Variants in FUT8 observed in about 807,000 individuals in gnomAD.
FUT8 encodes alpha-(1,6)-fucosyltransferase.
In FUT8, 29 loss-of-function variants were observed where a neutral mutation model predicts 71.3. The ratio of observed to expected loss-of-function variants is 0.41; its 90% confidence interval spans 0.30 to 0.55. The LOEUF is 0.55. Among genes scored for constraint, FUT8 ranks in the 20% least tolerant of loss-of-function variants. The pLI is 0.34. For synonymous variants in FUT8, 254 were observed against 239.3 expected, an observed-to-expected ratio of 1.06 and a Z score of -0.57; for missense variants, 544 against 702.1, an observed-to-expected ratio of 0.77 and a Z score of 2.55.
Position 65,535,116 on chromosome 14 carries a change from T to A in FUT8, c.-227-26221T>A, listed in dbSNP as rs150127216. Among the ~76,000 whole-genome samples, 616 of 152,038 alleles carry A rather than the reference T, an allele frequency of 4.1e-3. 7 individuals carry two copies. The highest frequency in any genetic ancestry group is 7.0e-3 in the Admixed American group (107 of 15,250). On this transcript the variant is annotated intron_variant, in intron 2 of 10. Coordinates refer to ENST00000673929, the MANE Select transcript of FUT8 (RefSeq NM_001371533.1). The stretch of plus-strand genomic sequence containing the variant: ...TTTATTTTTTATTTTATTTTATTTT[T>A]TTTGAGACAGTCTCGCTCTGTTGCC...
chr14:65,407,180 T>C (rs1316324027), upstream of FUT8, among the ~76,000 whole-genome samples: 1 of 152,212 alleles, frequency 6.6e-6, no homozygotes, highest in African/African-American at 2.4e-5. Flanking sequence ...ACAAAAAAGC[T>C]AGTAAGTCTG....
rs10131616 is a variant in FUT8, at chr14:65,690,570, T to C, written c.835+21090T>C. Among the ~76,000 whole-genome samples the C allele has an allele frequency of 9.8e-3, 1,487 of 152,266 alleles. 24 individuals are homozygous for C. Among genetic ancestry groups the C allele is most frequent in the African/African-American group, 0.034 (1,428 of 41,538 alleles). On this transcript the variant is annotated intron_variant, in intron 7 of 10. Transcript: ENST00000673929. ...TTGGTTTCTTTCTTCAGTTTTATAATTTTTGTCATATAGAGCTCATAATGT... is the reference window on the plus strand; with the variant it reads ...TTGGTTTCTTTCTTCAGTTTTATAACTTTTGTCATATAGAGCTCATAATGT...
intron 3 of FUT8, among the ~76,000 whole-genome samples, chr14:65,564,700 C>T (rs926468855): frequency 6.6e-6 from 1 of 151,984 alleles, no homozygotes; most frequent in African/African-American, 2.4e-5. Context: ...CCTCCTGTCC[C>T]TGGCACTTAA....
At chr14:65,564,522 A>G (rs1442140434) in intron 3 of FUT8, among the ~76,000 whole-genome samples, 2 of 152,008 alleles carry the variant, frequency 1.3e-5, no homozygotes, top group African/African-American at 4.8e-5. Flanking sequence ...TATTTGTGTA[A>G]ATCTGATCTA....
intron 3 of FUT8, among the ~76,000 whole-genome samples, chr14:65,588,936 A>G (rs1181239381): frequency 2.0e-5 from 3 of 152,212 alleles, no homozygotes; most frequent in African/African-American, 7.2e-5. Flanking sequence ...TTGGAACAGT[A>G]TCCCCACAAA....
intron 2 of FUT8, among the ~76,000 whole-genome samples, chr14:65,560,181 A>G (rs1381315852): frequency 6.6e-6 from 1 of 151,760 alleles, no homozygotes; most frequent in South Asian, 2.1e-4. Flanking sequence ...TTTTCTGCTC[A>G]TCTTTTTACC....
chr14:65,495,306 C>T (rs1229744894), intron 2 of FUT8, among the ~76,000 whole-genome samples: 1 of 151,954 alleles, frequency 6.6e-6, no homozygotes, highest in African/African-American at 2.4e-5. Context: ...AATTGAGATA[C>T]CTGTTTTTAC....
At chr14:65,595,007 C>T (rs1016906396) in intron 3 of FUT8, among the ~76,000 whole-genome samples, 2 of 152,098 alleles carry the variant, frequency 1.3e-5, no homozygotes, top group Non-Finnish European at 2.9e-5. Flanking sequence ...CACTTTGGGC[C>T]ACCGATTTCA....
chr14:65,368,722 C>T, the FUT8 span, among the ~76,000 whole-genome samples: 3 of 151,056 alleles, frequency 2.0e-5, no homozygotes, highest in African/African-American at 4.8e-5. Flanking sequence ...GGGGTTTCAC[C>T]GTGTTAGCCA....
At chr14:65,690,862 A>G (rs902974857) in intron 7 of FUT8, among the ~76,000 whole-genome samples, 1 of 151,860 alleles carries the variant, frequency 6.6e-6, no homozygotes, top group African/African-American at 2.4e-5. Flanking sequence ...AGTAGCTGGG[A>G]TTACAGGCGT....
chr14:65,382,767 GC>G, the FUT8 span, among the ~76,000 whole-genome samples: 1 of 152,140 alleles, frequency 6.6e-6, no homozygotes, highest in Non-Finnish European at 1.5e-5. Flanking sequence ...TAGAATAGCT[GC>G]TTTTGTCCTT....
chr14:65,619,801 C>G (rs1889503764), intron 5 of FUT8, among the ~76,000 whole-genome samples: 2 of 152,132 alleles, frequency 1.3e-5, no homozygotes, highest in South Asian at 4.1e-4. Flanking sequence ...CCCAGTAATA[C>G]AGTTAAATAT....
intron 2 of FUT8, among the ~76,000 whole-genome samples, chr14:65,506,341 A>G (rs1436166910): frequency 6.6e-6 from 1 of 152,200 alleles, no homozygotes; most frequent in Non-Finnish European, 1.5e-5. Flanking sequence ...TTCTTGCTAT[A>G]AAAAAAGAAG....
chr14:65,673,778 G>A (rs147071323), intron 7 of FUT8, among the ~76,000 whole-genome samples: 4 of 152,226 alleles, frequency 2.6e-5, no homozygotes, highest in East Asian at 3.9e-4. Flanking sequence ...GTTTTAATTC[G>A]AGAGTCAAAG....
At chr14:65,707,169 CTTA>C (rs1432380360) in intron 7 of FUT8, among the ~76,000 whole-genome samples, 1 of 152,116 alleles carries the variant, frequency 6.6e-6, no homozygotes, top group Non-Finnish European at 1.5e-5. Flanking sequence ...CTCGCCACCA[CTTA>C]TTATTGTCTT....
At chr14:65,411,220 A>G (rs772249631), upstream of FUT8, 11 of 152,182 alleles carry the variant, frequency 7.2e-5, no homozygotes, top group Non-Finnish European at 1.0e-4. Context: ...GAGCTAGAAC[A>G]TAATTCTGGC....
intron 2 of FUT8, among the ~76,000 whole-genome samples, chr14:65,517,535 A>C (rs1882793313): frequency 6.6e-6 from 1 of 152,224 alleles, no homozygotes; most frequent in South Asian, 2.1e-4. Flanking sequence ...GTTAGGAGGC[A>C]GATACATGGC....
chr14:65,425,495 G>A (rs1184106620), intron 1 of FUT8, among the ~76,000 whole-genome samples: 3 of 133,440 alleles, frequency 2.2e-5, no homozygotes, highest in Non-Finnish European at 3.2e-5. Context: ...TTTTAAACAT[G>A]AAATGTTCTT....
chr14:65,458,192 A>AAC (rs1555362468), intron 2 of FUT8: 1 of 150,510 alleles, frequency 6.6e-6, no homozygotes, highest in Non-Finnish European at 1.5e-5. Flanking sequence ...AAAAAAAAAA[A>AAC]AAACAAAAAA....
Sources: allele counts gnomAD v4.1 joint callset (sites outside exome capture counted in the v4.1 genomes callset), GRCh38; gene constraint gnomAD v4.1.1; transcripts MANE v1.5; gene names NCBI Gene and HGNC (gene_info 2026-07-23, HGNC 2026-07-21).